ADGB: variants seen among roughly 807,000 people sequenced by gnomAD.
ADGB encodes the protein androglobin, also known as calpain-7-like protein.
ADGB carries 172 observed loss-of-function variants against 210.5 expected under a neutral mutation model. The observed-to-expected ratio is 0.82, with a 90% CI of 0.72 to 0.93. The LOEUF (loss-of-function observed/expected upper bound fraction) is 0.93, where lower values mean the gene tolerates loss of function less well. ADGB is among the 40% of genes least tolerant of loss of function. The probability of loss-of-function intolerance (pLI) is 0.00; values close to 1 mark genes in which losing one functional copy is unlikely to be tolerated. For synonymous variants in ADGB, 658 were observed against 662.7 expected (o/e 0.99, Z 0.11); for missense variants, 2,025 against 1,964.8 (o/e 1.03, Z -0.58).
intron 29 of ADGB, among the ~76,000 whole-genome samples, chr6:146,772,113 AAAT>A (rs1562297200): frequency 6.6e-6 from 1 of 152,198 alleles, no homozygotes. Context: ...GACAGAAAAC[AAAT>A]AATCTCATCA....
At chr6:146,648,676 G>A (rs919841946) in intron 3 of ADGB, among the ~76,000 whole-genome samples, 4 of 151,928 alleles carry the variant, frequency 2.6e-5, no homozygotes, top group African/African-American at 4.8e-5. Context: ...CTGCTCCCCC[G>A]ACGTTTGGAA....
intron 27 of ADGB, among the ~76,000 whole-genome samples, chr6:146,761,396 A>T (rs1271264500): frequency 6.6e-6 from 1 of 152,014 alleles, no homozygotes; most frequent in Non-Finnish European, 1.5e-5. Context: ...AAGTCACTTA[A>T]CCATGTGTGT....
rs1662678910 is a variant in ADGB at position 146,604,470 on chromosome 6, T to C, written c.74+5356T>C. Among the ~76,000 whole-genome samples, 4 of 152,196 alleles carry C rather than the reference T, an allele frequency of 2.6e-5. No individual in the cohort carries two copies. In the South Asian group the frequency reaches 8.3e-4, roughly 32 times the overall value. Reference sequence around the variant, plus strand: ...TTTGTTTCCCCCAACTTGAGATGTATGAAGGCTTTTGGTCTCCCTGGGAGT... The same window carrying C: ...TTTGTTTCCCCCAACTTGAGATGTACGAAGGCTTTTGGTCTCCCTGGGAGT... On this transcript the variant is annotated intron_variant, in intron 1 of 35. Coordinates refer to ENST00000397944, the MANE Select transcript of ADGB (RefSeq NM_024694.4).
chr6:146,738,981 T>C (rs1472085005), intron 23 of ADGB, among the ~76,000 whole-genome samples: 1 of 152,204 alleles, frequency 6.6e-6, no homozygotes, highest in Non-Finnish European at 1.5e-5. Context: ...AATTCTTAAT[T>C]AAGACTAAAT....
At chr6:146,789,824 T>C (rs1777929151) in intron 33 of ADGB, among the ~76,000 whole-genome samples, 1 of 152,164 alleles carries the variant, frequency 6.6e-6, no homozygotes. Flanking sequence ...AATTGGCAAA[T>C]AACTCACCCA....
chr6:146,703,089 G>A (rs1009101528), intron 13 of ADGB, among the ~76,000 whole-genome samples: 9 of 151,864 alleles, frequency 5.9e-5, no homozygotes, highest in African/African-American at 2.2e-4. Flanking sequence ...GTGCTGCTGT[G>A]CAATGCCTGC....
At chr6:146,697,115 G>C (rs1318765145) in intron 12 of ADGB, among the ~76,000 whole-genome samples, 1 of 149,616 alleles carries the variant, frequency 6.7e-6, no homozygotes, top group African/African-American at 2.6e-5. Flanking sequence ...TGAAGAGAAA[G>C]GGGGAAGGAG....
chr6:146,622,497 G>A (rs1490975417), intron 1 of ADGB, among the ~76,000 whole-genome samples: 2 of 152,084 alleles, frequency 1.3e-5, no homozygotes, highest in African/African-American at 2.4e-5. Context: ...TAGCTTTGAT[G>A]ATTAGACCAG....
Position 146,659,221 on chromosome 6 carries a change from G to A in ADGB, c.612+2241G>A, listed in dbSNP as rs1583578244. On this transcript the variant is annotated intron_variant, in intron 5 of 35. Coordinates refer to ENST00000397944, the MANE Select transcript of ADGB (RefSeq NM_024694.4). The stretch of plus-strand genomic sequence containing the variant: ...CAATTCTAGTTGAGCACTTGTACAT[G>A]TCTGTCATTTGCTTCTCTCTGCAAG... 3.3e-5 allele frequency among the ~76,000 whole-genome samples: 5 copies of A among 152,148 alleles called. 1 individual carries two copies. In the South Asian group the frequency reaches 8.3e-4, roughly 25 times the overall value.
intron 1 of ADGB, among the ~76,000 whole-genome samples, chr6:146,602,732 G>A (rs1365761330): frequency 6.6e-6 from 1 of 152,202 alleles, no homozygotes; most frequent in Non-Finnish European, 1.5e-5. Flanking sequence ...TGCAGCAGGA[G>A]GTGAGAGGCA....
At chr6:146,805,425 G>C (rs1401561746) in intron 35 of ADGB, among the ~76,000 whole-genome samples, 2 of 152,074 alleles carry the variant, frequency 1.3e-5, no homozygotes, top group Non-Finnish European at 2.9e-5. Context: ...AATGCTACGA[G>C]GTACCTGGAA....
intron 25 of ADGB, among the ~76,000 whole-genome samples, chr6:146,743,006 C>T (rs1777181372): frequency 6.6e-6 from 1 of 152,160 alleles, no homozygotes; most frequent in Non-Finnish European, 1.5e-5. Context: ...CTAAACCTGA[C>T]CTTTCTGCAG....
intron 8 of ADGB, among the ~76,000 whole-genome samples, chr6:146,675,479 A>G (rs1324913036): frequency 6.7e-6 from 1 of 149,288 alleles, no homozygotes; most frequent in Non-Finnish European, 1.5e-5. Context: ...TGTCAAAAAG[A>G]AAAAAAAAAG....
At chr6:146,630,030 A>G (rs1427087252) in intron 1 of ADGB, among the ~76,000 whole-genome samples, 4 of 152,142 alleles carry the variant, frequency 2.6e-5, no homozygotes, top group Non-Finnish European at 4.4e-5. Flanking sequence ...TGAGGTCAGG[A>G]ATTTGAGGCC....
intron 13 of ADGB, among the ~76,000 whole-genome samples, chr6:146,708,552 C>G (rs557162858): frequency 6.6e-6 from 1 of 151,982 alleles, no homozygotes; most frequent in Non-Finnish European, 1.5e-5. Flanking sequence ...TCTCTCCAGG[C>G]CTGTGAGGTT....
intron 33 of ADGB, among the ~76,000 whole-genome samples, chr6:146,794,795 A>G (rs1778015962): frequency 6.6e-6 from 1 of 152,200 alleles, no homozygotes; most frequent in Non-Finnish European, 1.5e-5. Context: ...AATTACTAAA[A>G]CTGAGAACCA....
intron 1 of ADGB, among the ~76,000 whole-genome samples, chr6:146,603,529 G>A (rs1244721429): frequency 6.6e-6 from 1 of 152,094 alleles, no homozygotes; most frequent in Non-Finnish European, 1.5e-5. Flanking sequence ...CTTCCAAAAG[G>A]ACATTCAAAC....
chr6:146,727,968 G>C (rs1776921983), intron 19 of ADGB, among the ~76,000 whole-genome samples: 1 of 152,072 alleles, frequency 6.6e-6, no homozygotes, highest in Non-Finnish European at 1.5e-5. Flanking sequence ...CCTCTAAGGG[G>C]AAAAAAGTTG....
chr6:146,776,413 A>G (rs1426810433), intron 29 of ADGB, among the ~76,000 whole-genome samples: 1 of 152,168 alleles, frequency 6.6e-6, no homozygotes, highest in Non-Finnish European at 1.5e-5. Flanking sequence ...TTAGGAATTT[A>G]AAATGAGGCA....
Sources: allele counts gnomAD v4.1 joint callset (sites outside exome capture counted in the v4.1 genomes callset), GRCh38; gene constraint gnomAD v4.1.1; transcripts MANE v1.5; gene names NCBI Gene and HGNC (gene_info 2026-07-23, HGNC 2026-07-21).